Variants in GALM observed in about 807,000 individuals in gnomAD.
The protein encoded by GALM is galactose mutarotase.
Under a neutral mutation model 37.4 loss-of-function variants are expected in GALM, and 43 were observed. That is an observed-to-expected ratio of 1.15 (90% CI 0.90 to 1.48). GALM has a LOEUF of 1.48. Ranked by LOEUF, GALM falls within the 40% of genes most tolerant of loss-of-function variation. The pLI is 0.00. For synonymous variants in GALM, 199 were observed against 170.6 expected (o/e 1.17, Z -1.30); for missense variants, 456 against 419.1 (o/e 1.09, Z -0.77).
intron 4 of GALM, among the ~76,000 whole-genome samples, chr2:38,691,594 G>A (rs1323075674): frequency 6.6e-6 from 1 of 152,056 alleles, no homozygotes; most frequent in Non-Finnish European, 1.5e-5. Flanking sequence ...TGAAGCAGGA[G>A]GATCTCTCGA....
intron 1 of GALM, among the ~76,000 whole-genome samples, chr2:38,667,077 C>A (rs746341231): frequency 1.3e-5 from 2 of 152,172 alleles, no homozygotes; most frequent in Non-Finnish European, 2.9e-5. Flanking sequence ...GGGAGATAGA[C>A]TTTAACTCAG....
chr2:38,700,447 T>C (rs1665894013), intron 4 of GALM, among the ~76,000 whole-genome samples: 1 of 152,148 alleles, frequency 6.6e-6, no homozygotes, highest in African/African-American at 2.4e-5. Context: ...AATTGTTACC[T>C]CCTCTTACTG....
At chr2:38,716,283 A>C (rs1292953150) in intron 4 of GALM, among the ~76,000 whole-genome samples, 2 of 152,246 alleles carry the variant, frequency 1.3e-5, no homozygotes, top group African/African-American at 4.8e-5. Context: ...GTACGTGTTC[A>C]AGAGTATGGA....
intron 2 of GALM, among the ~76,000 whole-genome samples, chr2:38,677,232 T>A (rs1277312421): frequency 6.6e-6 from 1 of 152,198 alleles, no homozygotes; most frequent in Non-Finnish European, 1.5e-5. Flanking sequence ...TTAACTTTCT[T>A]TTAAATTATA....
At chr2:38,697,870 G>A (rs374292671) in intron 4 of GALM, among the ~76,000 whole-genome samples, 133 of 152,100 alleles carry the variant, frequency 8.7e-4, no homozygotes, top group African/African-American at 2.9e-3. Flanking sequence ...TCTACCCCAG[G>A]CAGGACCCAC....
At chr2:38,686,282 T>G (rs1665531624) in intron 3 of GALM, among the ~76,000 whole-genome samples, 1 of 129,434 alleles carries the variant, frequency 7.7e-6, no homozygotes, top group African/African-American at 2.8e-5. Flanking sequence ...CTTTCTTATT[T>G]TGAGATGGAG....
chr2:38,680,013 A>G (rs746976346), intron 2 of GALM: 2 of 453,282 alleles, frequency 4.4e-6, no homozygotes, highest in Non-Finnish European at 8.8e-6. Flanking sequence ...AATGCCTTTT[A>G]TTTATTTATT....
chr2:38,673,535 C>G (rs566174565), intron 1 of GALM, among the ~76,000 whole-genome samples: 1 of 152,252 alleles, frequency 6.6e-6, no homozygotes, highest in South Asian at 2.1e-4. Context: ...ACAGTTTATG[C>G]TGATTATTAT....
At chr2:38,674,331 A>G (rs1665185714) in intron 1 of GALM, among the ~76,000 whole-genome samples, 1 of 151,988 alleles carries the variant, frequency 6.6e-6, no homozygotes, top group South Asian at 2.1e-4. Flanking sequence ...CTGGGACTAC[A>G]GGCACAGGCC....
Position 38,721,240 on chromosome 2 carries a change from ACT to A in GALM, c.635-8313_635-8312del, listed in dbSNP as rs771562954. ...CACTTTCAGAGTGCAGGTAATTATA[ACT>A]CTGTCAAGAATGCAAATAGAAAGAG... On this transcript the variant is annotated intron_variant, in intron 4 of 6. Coordinates refer to ENST00000272252, the MANE Select transcript of GALM (RefSeq NM_138801.3). Among the ~76,000 whole-genome samples the A allele has an allele frequency of 4.6e-5, 7 of 152,116 alleles. No individual in the cohort carries two copies. The East Asian group carries it at 9.6e-4, about 21-fold the overall frequency.
In GALM at chr2:38,686,192, TA is replaced by T. The variant is rs201779760; in HGVS notation, c.553-3609del. ...CATGTTGATTCATTTCTCTAGTGCT[TA>T]AAAAAAAAAAACCACAGAAAGTGGA... On this transcript the variant is annotated intron_variant, in intron 3 of 6. Transcript: ENST00000272252. Among the ~76,000 whole-genome samples the T allele has an allele frequency of 3.0e-3, 405 of 136,366 alleles. 7 individuals are homozygous for T. Among genetic ancestry groups the T allele is most frequent in the African/African-American group, 9.6e-3 (341 of 35,696 alleles). 89.5% of individuals were successfully genotyped at this position (136,366 alleles called of 152,430 possible).
intron 4 of GALM, among the ~76,000 whole-genome samples, chr2:38,697,796 G>A (rs1294781524): frequency 2.0e-5 from 3 of 152,078 alleles, no homozygotes; most frequent in Non-Finnish European, 2.9e-5. Flanking sequence ...GTTACAGGGA[G>A]CCAGAGCAAG....
chr2:38,728,494 G>A (rs974059622), intron 4 of GALM, among the ~76,000 whole-genome samples: 4 of 151,610 alleles, frequency 2.6e-5, no homozygotes, highest in African/African-American at 7.3e-5. Flanking sequence ...AGGAGTTCAC[G>A]ACCAGCCTGG....
At chr2:38,708,838 G>C (rs1645222270) in intron 4 of GALM, among the ~76,000 whole-genome samples, 1 of 151,942 alleles carries the variant, frequency 6.6e-6, no homozygotes, top group Non-Finnish European at 1.5e-5. Flanking sequence ...TTGTTTGTTT[G>C]TTTGTTTTTT....
intron 3 of GALM, among the ~76,000 whole-genome samples, chr2:38,686,277 T>TTTCTTTCTTTCTTTCTTTCTC (rs1558582155): frequency 8.0e-5 from 9 of 112,442 alleles, no homozygotes; most frequent in South Asian, 3.1e-4. Flanking sequence ...TCTTTCTTTC[T>TTTCTTTCTTTCTTTCTTTCTC]TATTTTGAGA....
intron 1 of GALM, chr2:38,668,928 T>G (rs988279561): frequency 2.6e-5 from 4 of 152,148 alleles, no homozygotes; most frequent in Non-Finnish European, 5.9e-5. Flanking sequence ...ACATGGTCCT[T>G]TTGTAACTGC....
intron 4 of GALM, among the ~76,000 whole-genome samples, chr2:38,714,473 C>A (rs1288814321): frequency 6.6e-6 from 1 of 152,118 alleles, no homozygotes; most frequent in Non-Finnish European, 1.5e-5. Flanking sequence ...CCTCAGCCTG[C>A]AAAAGTACTG....
intron 4 of GALM, among the ~76,000 whole-genome samples, chr2:38,728,468 G>A (rs1374375450): frequency 6.7e-6 from 1 of 149,710 alleles, no homozygotes; most frequent in Non-Finnish European, 1.5e-5. Context: ...AGGCCGAGGT[G>A]GGCAGATCAC....
At chr2:38,724,295 T>C (rs1666440597) in intron 4 of GALM, among the ~76,000 whole-genome samples, 2 of 152,322 alleles carry the variant, frequency 1.3e-5, no homozygotes, top group South Asian at 4.1e-4. Context: ...CCTGTAATTA[T>C]GTCATAATAT....
Sources: gnomAD v4.1 joint callset for allele counts (sites outside exome capture counted in the v4.1 genomes callset) on GRCh38, gnomAD v4.1.1 for gene constraint, MANE v1.5 for transcripts, NCBI Gene and HGNC (gene_info 2026-07-23, HGNC 2026-07-21) for gene names.